Variants in ZKSCAN5 observed in about 807,000 individuals in gnomAD.
The protein encoded by ZKSCAN5 is zinc finger protein with KRAB and SCAN domains 5.
A neutral mutation model predicts 60.0 loss-of-function variants in ZKSCAN5; 28 were observed. The ratio of observed to expected loss-of-function variants is 0.47; its 90% CI spans 0.35 to 0.64. The LOEUF (loss-of-function observed/expected upper bound fraction) is 0.64. Ranked by LOEUF, ZKSCAN5 falls within the 30% of genes least tolerant of loss-of-function variation. ZKSCAN5 has a pLI of 0.01. For synonymous variants in ZKSCAN5, 361 were observed against 371.2 expected, an observed-to-expected ratio of 0.97 and a Z score of 0.31; for missense variants, 881 against 1,034.6, an observed-to-expected ratio of 0.85 and a Z score of 2.04.
Position 99,533,357 on chromosome 7 carries a change from G to T in ZKSCAN5, c.*1108G>T. The T allele has an allele frequency of 1.7e-6, 1 of 602,232 alleles. No homozygotes were observed. The highest frequency in any genetic ancestry group is 3.1e-6 in the Non-Finnish European group (1 of 326,438). 37.3% of individuals were successfully genotyped at this position (602,232 alleles called of 1,614,324 possible). ...ACATGTGTGAGAGAGTTCTGAGCCTGTTTGCTAGGGAGAGTGAGTGAGTGC... is the reference window on the plus strand; with the variant it reads ...ACATGTGTGAGAGAGTTCTGAGCCTTTTTGCTAGGGAGAGTGAGTGAGTGC... On this transcript the variant is annotated 3_prime_UTR_variant, in exon 7 of 7. Transcript: ENST00000326775.
intron 5 of ZKSCAN5, among the ~76,000 whole-genome samples, chr7:99,524,907 G>A (rs1280532503): frequency 1.3e-5 from 2 of 152,080 alleles, no homozygotes; most frequent in African/African-American, 4.8e-5. Context: ...GGTGGCTCAT[G>A]TCTGTAATCC....
chr7:99,519,698 A>G, intron 3 of ZKSCAN5, 129 bp from the exon 4 acceptor site: 1 of 770,080 alleles, frequency 1.3e-6, no homozygotes, highest in Non-Finnish European at 2.1e-6. Context: ...GGGTCTTGAC[A>G]GCCAGGCAGA....
At chr7:99,508,767 T>TA (rs1800885825) in intron 2 of ZKSCAN5, among the ~76,000 whole-genome samples, 2 of 149,646 alleles carry the variant, frequency 1.3e-5, no homozygotes, top group Admixed American at 1.3e-4. Context: ...AAAAAAAAGA[T>TA]ACAATATTTT....
chr7:99,522,439 G>A (rs975006789), intron 5 of ZKSCAN5, among the ~76,000 whole-genome samples: 5 of 151,924 alleles, frequency 3.3e-5, no homozygotes, highest in African/African-American at 1.2e-4. Context: ...GTCACTGAAA[G>A]AGTAATGGGT....
At chr7:99,512,321 C>G in intron 2 of ZKSCAN5, 132 bp from the exon 3 acceptor site, 1 of 1,074,032 alleles carries the variant, frequency 9.3e-7, no homozygotes, top group Non-Finnish European at 1.3e-6. Context: ...ACTGCATAAT[C>G]AGTGCGTGGC....
At chr7:99,512,689 C>A in intron 3 of ZKSCAN5, 98 bp downstream of exon 3, 2 of 1,456,692 alleles carry the variant, frequency 1.4e-6, no homozygotes, top group Non-Finnish European at 9.2e-7. Context: ...CTAGGCTGAG[C>A]AGCCTCTCTA....
intron 2 of ZKSCAN5, 107 bp downstream of exon 2, chr7:99,506,565 C>G (rs1466773894): frequency 7.3e-7 from 1 of 1,374,134 alleles, no homozygotes; most frequent in African/African-American, 1.5e-5. Flanking sequence ...TTCTTTTGTT[C>G]TCCTGGGATT....
chr7:99,519,917 G>A lies in ZKSCAN5; in HGVS notation c.636+8G>A. On this transcript the variant is annotated splice_region_variant and intron_variant, in intron 4 of 6. Coordinates refer to ENST00000326775, the MANE Select transcript of ZKSCAN5 (RefSeq NM_145102.4). ...CTCTCAACTGGGTCCCAGGTGAGCT[G>A]GTGCCCCTTTGCCCTCAGAGAGGAC... The A allele has an allele frequency of 6.2e-7, 1 of 1,614,014 alleles. No homozygotes were observed. Among genetic ancestry groups the A allele is most frequent in the Non-Finnish European group, 8.5e-7 (1 of 1,179,932 alleles).
At chr7:99,505,325 A>G (rs1800670241) in intron 1 of ZKSCAN5, 2 of 152,138 alleles carry the variant, frequency 1.3e-5, no homozygotes, top group South Asian at 2.1e-4. Context: ...GAAGAACCGC[A>G]TCTTCCCAGC....
intron 6 of ZKSCAN5, among the ~76,000 whole-genome samples, chr7:99,530,806 C>T (rs1802006539): frequency 6.6e-6 from 1 of 152,090 alleles, no homozygotes; most frequent in Admixed American, 6.5e-5. Context: ...CCTGTAATCC[C>T]AGCACTTTGG....
chr7:99,506,082 A>AC lies in ZKSCAN5; in HGVS notation c.44dup (p.Ala16SerfsTer2), dbSNP rs748169257. 3 of 1,613,960 alleles carry AC rather than the reference A, an allele frequency of 1.9e-6. No individual in the cohort carries two copies. The highest frequency in any genetic ancestry group is 1.7e-5 in the Admixed American group (1 of 59,970). On this transcript the variant is annotated frameshift_variant, in exon 2 of 7. Transcript: ENST00000326775. LOFTEE classifies it high-confidence loss of function. ...GAATCCCGAGAAGTTATAGACTTAG[A>AC]CCCCCCAGCTGAGACTTCCCAGGAG...
At chr7:99,528,002 A>T (rs976436826) in intron 6 of ZKSCAN5, among the ~76,000 whole-genome samples, 6 of 152,114 alleles carry the variant, frequency 3.9e-5, no homozygotes, top group Admixed American at 6.6e-5. Flanking sequence ...ATTTTTAAAC[A>T]TCTGTTCAAA....
In ZKSCAN5 at chr7:99,506,154, G is replaced by A; in HGVS notation, c.110G>A (p.Trp37Ter). 2 of 1,614,164 alleles carry A rather than the reference G, an allele frequency of 1.2e-6. No individual in the cohort carries two copies. Among genetic ancestry groups the A allele is most frequent in the Non-Finnish European group, 8.5e-7 (1 of 1,180,036 alleles). ...AAGGTGGAAGAAGAAGACTGCACCT[G>A]GATGCAGGAGTACAACCCGCCAACG... is the stretch of plus-strand genomic sequence containing the variant. ...IVKVEEEDCT[W>*]MQEYNPPTFE... The change falls in exon 2 of 7, where the codon TGG becomes TAG. Residue 37 changes from tryptophan to a stop codon, truncating the protein, a stop_gained. Coordinates refer to ENST00000326775, the MANE Select transcript of ZKSCAN5 (RefSeq NM_145102.4). LOFTEE classifies it high-confidence loss of function.
At chr7:99,520,436 A>G in intron 5 of ZKSCAN5, 132 bp downstream of exon 5, 1 of 1,085,150 alleles carries the variant, frequency 9.2e-7, no homozygotes, top group East Asian at 2.6e-5. Flanking sequence ...TTTTTTGTAA[A>G]AGAATAAATC....
rs1802020822 is a variant in ZKSCAN5 at position 99,531,141 on chromosome 7, G to C, written c.1412G>C (p.Ser471Thr). The C allele has an allele frequency of 6.3e-7, 1 of 1,599,716 alleles. No individual in the cohort carries two copies. Among genetic ancestry groups the C allele is most frequent in the Non-Finnish European group, 8.5e-7 (1 of 1,175,558 alleles). ...SDKRSKNTKL[S>T]VKKKISEYSE... ...AAAAGAAGTAAGAACACAAAATTAA[G>C]TGTTAAGAAGAAAATTTCAGAATAT... Residue 471 changes from serine (S) to threonine (T), a missense_variant, in exon 7 of 7, where the codon AGT (serine) becomes ACT (threonine). By Grantham distance (58) the Ser-to-Thr change is moderately conservative. This residue lies in a region of ZKSCAN5 where 490 missense variants were observed against 554.5 expected (regional missense o/e 0.88). Coordinates refer to ENST00000326775, the MANE Select transcript of ZKSCAN5 (RefSeq NM_145102.4).
At chr7:99,520,035 T>G in intron 4 of ZKSCAN5, 126 bp downstream of exon 4, 4 of 1,493,334 alleles carry the variant, frequency 2.7e-6, no homozygotes, top group Non-Finnish European at 3.7e-6. Flanking sequence ...CTTTTTCCTT[T>G]CTGCCTAGTC....
intron 2 of ZKSCAN5, among the ~76,000 whole-genome samples, chr7:99,507,521 ATG>A (rs1584162548): frequency 1.9e-4 from 24 of 127,328 alleles, no homozygotes; most frequent in Admixed American, 4.1e-4. Flanking sequence ...GTGTGTATAT[ATG>A]TATATGTGTA....
rs149287355 is a variant in ZKSCAN5 at position 99,526,138 on chromosome 7, C to T, written c.1098C>T (p.Arg366=). 2.8e-5 allele frequency: 46 copies of T among 1,614,238 alleles called. No homozygotes were observed. In the African/African-American group the frequency reaches 3.9e-4, roughly 14 times the overall value. ...CCTCAAACTTTATTCAGCATCGGCG[C>T]ATCCACACTGGAGAAAAACCGTTTA... is the stretch of plus-strand genomic sequence containing the variant. The part of the protein sequence containing the change: ...LQASNFIQHR[R]IHTGEKPFKC... The change falls in exon 6 of 7, where the codon CGC becomes CGT. Residue 366 remains arginine (R), a synonymous_variant. Coordinates refer to ENST00000326775, the MANE Select transcript of ZKSCAN5 (RefSeq NM_145102.4).
intron 6 of ZKSCAN5, among the ~76,000 whole-genome samples, chr7:99,527,780 G>T (rs976874147): frequency 6.6e-6 from 1 of 152,128 alleles, no homozygotes; most frequent in Non-Finnish European, 1.5e-5. Context: ...TGCCTCCCAG[G>T]TTCAAGCGAT....
Sources: allele counts gnomAD v4.1 joint callset (sites outside exome capture counted in the v4.1 genomes callset), GRCh38; gene constraint gnomAD v4.1.1; regional missense constraint gnomAD v4.1.1; transcripts MANE v1.5; gene names NCBI Gene and HGNC (gene_info 2026-07-23, HGNC 2026-07-21).